Variants in SLC22A8 observed in about 807,000 individuals in gnomAD.
SLC22A8 encodes the protein organic anion transporter 3.
In SLC22A8, 40 loss-of-function variants were observed where a neutral mutation model predicts 48.4. That is an observed-to-expected ratio of 0.83 (90% confidence interval 0.64 to 1.08). SLC22A8 has a LOEUF of 1.08. Among genes scored for constraint, SLC22A8 ranks in the 50% least tolerant of loss-of-function variants. SLC22A8 has a pLI of 0.00. For synonymous variants in SLC22A8, 268 were observed against 286.3 expected, an observed-to-expected ratio of 0.94 and a Z score of 0.65; for missense variants, 606 against 699.0, an observed-to-expected ratio of 0.87 and a Z score of 1.50.
At chr11:63,000,448 C>T (rs1231256720) in intron 3 of SLC22A8, among the ~76,000 whole-genome samples, 1 of 147,904 alleles carries the variant, frequency 6.8e-6, no homozygotes, top group Non-Finnish European at 1.5e-5. Context: ...TGTGCCATCG[C>T]ACTCCAGCCT....
At chr11:63,002,217 T>A (rs1255438901) in intron 2 of SLC22A8, among the ~76,000 whole-genome samples, 12 of 152,194 alleles carry the variant, frequency 7.9e-5, no homozygotes, top group Admixed American at 7.9e-4. Context: ...GCCTCTTTTT[T>A]ATTTTTATTT....
rs145995471 is a variant in SLC22A8, at chr11:62,993,660, G to A, written c.1326-33C>T. ...GGTTCAGAGTAGGGATTGGTAGCCT[G>A]TGTGTGGGGTTCATAAAGGATGGCT... On this transcript the variant is annotated intron_variant, in intron 9 of 10. Coordinates refer to ENST00000336232, the MANE Select transcript of SLC22A8 (RefSeq NM_004254.4). 1.4e-4 allele frequency: 224 copies of A among 1,601,316 alleles called. No individual in the cohort carries two copies. In the Middle Eastern group the frequency reaches 1.5e-3, roughly 11 times the overall value.
At chr11:63,012,985 G>A (rs188787764) in intron 2 of SLC22A8, among the ~76,000 whole-genome samples, 24 of 152,224 alleles carry the variant, frequency 1.6e-4, no homozygotes, top group Admixed American at 5.9e-4. Flanking sequence ...GGTGTGGAGG[G>A]CAGGTGTGTG....
chr11:63,011,070 G>A (rs1249704697), intron 2 of SLC22A8, among the ~76,000 whole-genome samples: 2 of 152,216 alleles, frequency 1.3e-5, no homozygotes, highest in East Asian at 3.9e-4. Context: ...AGCTACTAAA[G>A]GCAGGGAAGG....
chr11:63,014,675 C>G lies in SLC22A8; in HGVS notation c.284G>C (p.Cys95Ser). 1 of 1,612,204 alleles carries G rather than the reference C, an allele frequency of 6.2e-7. No individual in the cohort carries two copies. The highest frequency in any genetic ancestry group is 8.5e-7 in the Non-Finnish European group (1 of 1,178,614). The change falls in exon 2 of 11, where the codon TGC becomes TCC. Residue 95 changes from cysteine to serine, a missense_variant. Transcript: ENST00000336232. ...GCTGTTGTAGACCCAGCCATCCAGG[C>G]ATGGCTCCATGGCCCTCTGGGTGTC... Reference protein sequence around the residue: ...PNDTQRAMEPCLDGWVYNSTK... With the variant: ...PNDTQRAMEPSLDGWVYNSTK...
chr11:63,007,560 CA>C (rs1225054504), intron 2 of SLC22A8, among the ~76,000 whole-genome samples: 1 of 152,180 alleles, frequency 6.6e-6, no homozygotes, highest in Non-Finnish European at 1.5e-5. Flanking sequence ...CTCCTGACCT[CA>C]GGTGATCCAC....
At chr11:62,998,862 C>G in intron 5 of SLC22A8, 59 bp downstream of exon 5, 1 of 1,500,962 alleles carries the variant, frequency 6.7e-7, no homozygotes, top group East Asian at 2.3e-5. Flanking sequence ...CAGGTATGGG[C>G]TCCCCTGTTT....
At chr11:63,005,507 T>G (rs2086544155) in intron 2 of SLC22A8, among the ~76,000 whole-genome samples, 1 of 152,240 alleles carries the variant, frequency 6.6e-6, no homozygotes, top group South Asian at 2.1e-4. Context: ...AAGTTTTAAC[T>G]CTTCGTGGAT....
At chr11:63,014,013 C>T (rs2086646869) in intron 2 of SLC22A8, among the ~76,000 whole-genome samples, 1 of 152,148 alleles carries the variant, frequency 6.6e-6, no homozygotes, top group Admixed American at 6.5e-5. Flanking sequence ...GTGGATGAGA[C>T]ATTTTCTGGG....
chr11:62,999,666 T>C (rs760949505), intron 4 of SLC22A8, 22 bp downstream of exon 4: 7 of 1,497,012 alleles, frequency 4.7e-6, no homozygotes, highest in Non-Finnish European at 5.4e-6. Context: ...AAAGCCCAGC[T>C]CCATGCCCCA....
At chr11:62,999,221 G>A (rs528478971) in intron 4 of SLC22A8, 132 bp from the exon 5 acceptor site, 149 of 746,370 alleles carry the variant, frequency 2.0e-4, no homozygotes, top group Non-Finnish European at 3.1e-4. Flanking sequence ...ATCGCCCTCC[G>A]TTGGGTCTTC....
chr11:62,996,655 T>A (rs1287926634), intron 5 of SLC22A8, among the ~76,000 whole-genome samples: 1 of 152,190 alleles, frequency 6.6e-6, no homozygotes, highest in Non-Finnish European at 1.5e-5. Flanking sequence ...CTTCAGATTC[T>A]CCCTGCAAAG....
intron 2 of SLC22A8, among the ~76,000 whole-genome samples, chr11:63,003,377 G>A (rs767212699): frequency 6.6e-6 from 1 of 152,180 alleles, no homozygotes; most frequent in Admixed American, 6.5e-5. Flanking sequence ...TCCTACAGCT[G>A]TCTCAGAGTG....
intron 2 of SLC22A8, 152 bp from the exon 3 acceptor site, chr11:63,000,975 C>T (rs988447992): frequency 4.8e-5 from 30 of 627,164 alleles, no homozygotes; most frequent in South Asian, 2.2e-4. Context: ...CAGCCCGGCT[C>T]GGAGCTCCTT....
Position 63,012,782 on chromosome 11 carries a change from C to T in SLC22A8, c.333+1844G>A, listed in dbSNP as rs191463343. ...GATCCTTGAGAGCGGGTCTGCGTCT[C>T]GCTGGTGGTGTGCTCCTGGAGGGAA... On this transcript the variant is annotated intron_variant, in intron 2 of 10. Transcript: ENST00000336232. Among the ~76,000 whole-genome samples the T allele has an allele frequency of 6.1e-4, 93 of 152,324 alleles. 2 individuals are homozygous for T. Among genetic ancestry groups the T allele is most frequent in the South Asian group, 6.2e-4 (3 of 4,824 alleles).
intron 2 of SLC22A8, among the ~76,000 whole-genome samples, chr11:63,010,835 C>T (rs2086611102): frequency 6.6e-6 from 1 of 152,182 alleles, no homozygotes; most frequent in South Asian, 2.1e-4. Flanking sequence ...GGGTACAAGA[C>T]CTGCAACCTC....
chr11:62,996,946 G>A (rs969331558), intron 5 of SLC22A8, among the ~76,000 whole-genome samples: 6 of 152,246 alleles, frequency 3.9e-5, no homozygotes, highest in Non-Finnish European at 7.3e-5. Flanking sequence ...CTCAGGGAGT[G>A]GACATTGGTT....
Position 62,998,913 on chromosome 11 carries a change from C to A in SLC22A8, c.761+8G>T. On this transcript the variant is annotated splice_region_variant and intron_variant, in intron 5 of 10. Transcript: ENST00000336232. ...AAGGAAACAGATGAAGAGGAGAGGG[C>A]CACATACCAGGATGATAGGAAGAAG... 6.3e-7 allele frequency: 1 copy of A among 1,599,122 alleles called. No individual in the cohort carries two copies. The highest frequency in any genetic ancestry group is 8.6e-7 in the Non-Finnish European group (1 of 1,168,560).
intron 2 of SLC22A8, among the ~76,000 whole-genome samples, chr11:63,012,770 G>A (rs764931807): frequency 4.6e-5 from 7 of 152,216 alleles, no homozygotes; most frequent in Non-Finnish European, 7.3e-5. Context: ...CCTTGAGAGC[G>A]GGTCTGCGTC....
Sources: gnomAD v4.1 joint callset for allele counts (sites outside exome capture counted in the v4.1 genomes callset) on GRCh38, gnomAD v4.1.1 for gene constraint, MANE v1.5 for transcripts, NCBI Gene and HGNC (gene_info 2026-07-23, HGNC 2026-07-21) for gene names.